The following GOT1 variants were observed in gnomAD, a reference collection of about 807,000 sequenced individuals.
GOT1 encodes aspartate aminotransferase, cytoplasmic.
Under a neutral mutation model 48.2 loss-of-function variants are expected in GOT1, and 25 were observed. The observed-to-expected ratio is 0.52, with a 90% confidence interval of 0.38 to 0.72. The LOEUF is 0.72. Among genes scored for constraint, GOT1 ranks in the 30% least tolerant of loss-of-function variants. The probability of loss-of-function intolerance (pLI) is 0.00; values close to 1 mark genes in which losing one functional copy is unlikely to be tolerated. For synonymous variants in GOT1, 188 were observed against 193.8 expected, an observed-to-expected ratio of 0.97 and a Z score of 0.25; for missense variants, 380 against 520.1, an observed-to-expected ratio of 0.73 and a Z score of 2.62.
intron 1 of GOT1, among the ~76,000 whole-genome samples, chr10:99,426,118 G>A (rs1016063261): frequency 2.0e-5 from 3 of 152,106 alleles, no homozygotes; most frequent in Non-Finnish European, 4.4e-5. Flanking sequence ...TTAAGTTCAT[G>A]GATCCATGTG....
At chr10:99,430,037 A>G (rs2033095304) in intron 1 of GOT1, among the ~76,000 whole-genome samples, 1 of 152,168 alleles carries the variant, frequency 6.6e-6, no homozygotes, top group African/African-American at 2.4e-5. Context: ...CTCAGAACAG[A>G]GCTTTCTAGC....
chr10:99,403,977 T>C, intron 5 of GOT1, 103 bp from the exon 6 acceptor site: 1 of 1,064,308 alleles, frequency 9.4e-7, no homozygotes. Context: ...TTTCAAATGC[T>C]GTCCATTTCT....
At chr10:99,419,147 C>T (rs1407090628) in intron 2 of GOT1, among the ~76,000 whole-genome samples, 1 of 152,186 alleles carries the variant, frequency 6.6e-6, no homozygotes, top group Non-Finnish European at 1.5e-5. Context: ...GGAAAACCTA[C>T]TGTACACAGC....
chr10:99,421,637 T>C (rs1360632029), intron 1 of GOT1, among the ~76,000 whole-genome samples: 1 of 152,198 alleles, frequency 6.6e-6, no homozygotes, highest in African/African-American at 2.4e-5. Context: ...TTCCCTACAC[T>C]ATTCTATGAT....
At chr10:99,425,918 C>T (rs921415723) in intron 1 of GOT1, among the ~76,000 whole-genome samples, 1 of 152,130 alleles carries the variant, frequency 6.6e-6, no homozygotes, top group African/African-American at 2.4e-5. Context: ...AATAACAACA[C>T]GGATTTACTA....
chr10:99,406,626 G>A lies in GOT1; in HGVS notation c.424+100C>T, dbSNP rs1342614952. 5 of 1,197,604 alleles carry A rather than the reference G, an allele frequency of 4.2e-6. No homozygotes were observed. The South Asian group carries it at 6.6e-5, about 16-fold the overall frequency. The allele number at this position is 1,197,604 out of a possible 1,614,324, so 74.2% of individuals were successfully genotyped here. ...TTCAAGCCATTCCCAACAGTCAGTT[G>A]TTCTAGGGCTGGATTACATTTTCTG... On this transcript the variant is annotated intron_variant, in intron 3 of 8. Transcript: ENST00000370508.
At chr10:99,410,760 C>T (rs1188174125) in intron 2 of GOT1, among the ~76,000 whole-genome samples, 2 of 152,182 alleles carry the variant, frequency 1.3e-5, no homozygotes, top group Non-Finnish European at 2.9e-5. Context: ...GTCCTACAGC[C>T]TAAGAATGTC....
At chr10:99,430,359 G>T in intron 1 of GOT1, 89 bp downstream of exon 1, 1 of 1,607,632 alleles carries the variant, frequency 6.2e-7, no homozygotes, top group Middle Eastern at 1.7e-4. Context: ...CGCCACACTG[G>T]GCCTCGGCTT....
chr10:99,420,455 T>C, intron 2 of GOT1, 169 bp downstream of exon 2: 1 of 597,420 alleles, frequency 1.7e-6, no homozygotes, highest in East Asian at 2.8e-5. Flanking sequence ...CCGTGCTTTG[T>C]ACATGGCCAC....
intron 2 of GOT1, among the ~76,000 whole-genome samples, chr10:99,419,557 T>C (rs1260516178): frequency 1.3e-5 from 2 of 152,252 alleles, no homozygotes; most frequent in African/African-American, 4.8e-5. Context: ...CTCTTCCATA[T>C]TTTATGGTTC....
At chr10:99,427,250 G>C (rs2033050432) in intron 1 of GOT1, among the ~76,000 whole-genome samples, 1 of 151,880 alleles carries the variant, frequency 6.6e-6, no homozygotes, top group Non-Finnish European at 1.5e-5. Context: ...TAGTACAGTA[G>C]AATCTTTTTT....
intron 2 of GOT1, among the ~76,000 whole-genome samples, chr10:99,419,289 G>C (rs1175380810): frequency 6.6e-6 from 1 of 152,164 alleles, no homozygotes; most frequent in East Asian, 1.9e-4. Flanking sequence ...AACTGGACTA[G>C]TGCAAAAATC....
At position 99,397,474 on chromosome 10, in the gene GOT1, A is replaced by G. The variant is rs554395878; in HGVS notation, c.*73T>C. On this transcript the variant is annotated 3_prime_UTR_variant, in exon 9 of 9. Transcript: ENST00000370508. The surrounding 1 kb of genome is among the most constrained non-coding windows in gnomAD (Gnocchi z 5.4). ...AGTGTCTCTAATCCATGGTATGTAC[A>G]TGTAGGTTTGTGCAGGCAGGGAACA... The G allele has an allele frequency of 1.4e-6, 2 of 1,472,320 alleles. No individual in the cohort carries two copies. The highest frequency in any genetic ancestry group is 1.4e-5 in the African/African-American group (1 of 72,284). The allele number at this position is 1,472,320 out of a possible 1,614,324, so 91.2% of individuals were successfully genotyped here. A position where few individuals can be genotyped will look rare whatever the true frequency, so the allele number is the denominator to read the frequency against.
chr10:99,417,431 C>G (rs1205556118), intron 2 of GOT1, among the ~76,000 whole-genome samples: 2 of 152,158 alleles, frequency 1.3e-5, no homozygotes, highest in African/African-American at 2.4e-5. Flanking sequence ...CAGGAAACAA[C>G]AGGTGCTGGA....
chr10:99,415,607 C>T (rs1375216040), intron 2 of GOT1, among the ~76,000 whole-genome samples: 2 of 152,248 alleles, frequency 1.3e-5, no homozygotes, highest in Admixed American at 6.5e-5. Flanking sequence ...CCAGCATCAT[C>T]CTGATACCAA....
chr10:99,409,553 C>T (rs1347025603), intron 2 of GOT1, among the ~76,000 whole-genome samples: 1 of 152,176 alleles, frequency 6.6e-6, no homozygotes, highest in African/African-American at 2.4e-5. Context: ...AGACCTAGAT[C>T]GTACCTTGAT....
rs1442539644 is a variant in GOT1 at position 99,397,165 on chromosome 10, T to C, written c.*382A>G. 1.1e-5 allele frequency: 2 copies of C among 180,114 alleles called. No homozygotes were observed. The highest frequency in any genetic ancestry group is 2.4e-5 in the Non-Finnish European group (2 of 83,780). The allele number at this position is 180,114 out of a possible 1,614,324, so 11.2% of individuals were successfully genotyped here. ...GCAGCCGACACCCACATTCACACTT[T>C]GGCTCCTTCAGACAACTTGATCTTT... On this transcript the variant is annotated 3_prime_UTR_variant, in exon 9 of 9. Transcript: ENST00000370508. The surrounding 1 kb of genome is among the most constrained non-coding windows in gnomAD (Gnocchi z 5.4).
At chr10:99,418,244 G>A (rs187306862) in intron 2 of GOT1, among the ~76,000 whole-genome samples, 211 of 151,996 alleles carry the variant, frequency 1.4e-3, no homozygotes, top group Admixed American at 2.9e-3. Flanking sequence ...AGATTAAGAG[G>A]GAGGGCTATG....
chr10:99,404,025 C>T, intron 5 of GOT1, 151 bp from the exon 6 acceptor site: 1 of 686,916 alleles, frequency 1.5e-6, no homozygotes, highest in Non-Finnish European at 2.5e-6. Flanking sequence ...CTCCACTTTA[C>T]ATCCATTTCT....
Sources: allele counts gnomAD v4.1 joint callset (sites outside exome capture counted in the v4.1 genomes callset), GRCh38; gene constraint gnomAD v4.1.1; non-coding constraint Gnocchi (gnomAD v3.1); transcripts MANE v1.5; gene names NCBI Gene and HGNC (gene_info 2026-07-23, HGNC 2026-07-21).